The following DDB2 variants were observed in gnomAD, a reference collection of about 807,000 sequenced individuals.
DDB2 encodes the protein DNA damage-binding protein 2.
In DDB2, 27 loss-of-function variants were observed where a neutral mutation model predicts 50.5. That is an observed-to-expected ratio of 0.53 (90% CI 0.39 to 0.74). DDB2 has a LOEUF of 0.74. Among genes scored for constraint, DDB2 ranks in the 30% least tolerant of loss-of-function variants. The pLI is 0.00. For synonymous variants in DDB2, 176 were observed against 205.5 expected, an observed-to-expected ratio of 0.86 and a Z score of 1.23; for missense variants, 424 against 545.6, an observed-to-expected ratio of 0.78 and a Z score of 2.22.
chr11:47,225,376 AG>A (rs1259876856), intron 3 of DDB2, among the ~76,000 whole-genome samples: 1 of 151,902 alleles, frequency 6.6e-6, no homozygotes, highest in East Asian at 1.9e-4. Flanking sequence ...ACGGATCACA[AG>A]GTCAGGAGAT....
intron 1 of DDB2, 125 bp downstream of exon 1, chr11:47,215,388 G>T (rs1294697351): frequency 5.7e-6 from 8 of 1,412,020 alleles, no homozygotes; most frequent in Non-Finnish European, 7.9e-6. Context: ...CTCCGGCTGT[G>T]CATTCTACCT....
chr11:47,223,385 T>C (rs1345204758), intron 3 of DDB2, among the ~76,000 whole-genome samples: 2 of 152,128 alleles, frequency 1.3e-5, no homozygotes, highest in Non-Finnish European at 2.9e-5. Flanking sequence ...CCCGGGAGGC[T>C]GAGGCATGAG....
chr11:47,238,367 T>C (rs2135518199), intron 9 of DDB2, among the ~76,000 whole-genome samples, 184 bp downstream of exon 9: 1 of 151,834 alleles, frequency 6.6e-6, no homozygotes, highest in Non-Finnish European at 1.5e-5. Context: ...GTCTTGGTCA[T>C]GCAATGCCTG....
chr11:47,222,363 T>C (rs1953498457), intron 3 of DDB2, among the ~76,000 whole-genome samples: 3 of 152,196 alleles, frequency 2.0e-5, no homozygotes, highest in Admixed American at 2.0e-4. Context: ...AATGGTTCAT[T>C]GTTTTTTGTT....
At chr11:47,238,314 G>C (rs1953773769) in intron 9 of DDB2, 131 bp downstream of exon 9, 1 of 835,528 alleles carries the variant, frequency 1.2e-6, no homozygotes, top group African/African-American at 1.7e-5. Flanking sequence ...ATGGCTGGGA[G>C]ACAGTGGTCT....
intron 3 of DDB2, among the ~76,000 whole-genome samples, chr11:47,228,404 G>A (rs1953591196): frequency 6.6e-6 from 1 of 152,022 alleles, no homozygotes; most frequent in South Asian, 2.1e-4. Flanking sequence ...ACTTTGGGTG[G>A]CCAAGGTGGG....
rs79920947 is a variant in DDB2 at position 47,237,232 on chromosome 11, T to G, written c.1024-605T>G. On this transcript the variant is annotated intron_variant, in intron 7 of 9. Coordinates refer to ENST00000256996, the MANE Select transcript of DDB2 (RefSeq NM_000107.3). ...TCTTAGGTCAGTATCTGGGTCAGGC[T>G]GATGTTAAAACGTTTACCAGTTGGT... is the stretch of plus-strand genomic sequence containing the variant. Among the ~76,000 whole-genome samples the G allele has an allele frequency of 5.7e-3, 865 of 152,260 alleles. 3 individuals carry two copies. The highest frequency in any genetic ancestry group is 0.019 in the African/African-American group (797 of 41,556).
At chr11:47,225,434 C>T (rs7947269) in intron 3 of DDB2, among the ~76,000 whole-genome samples, 104,329 of 150,916 alleles carry the variant, frequency 0.69, 37,451 homozygotes, top group Middle Eastern at 0.83. Flanking sequence ...CTACTAAAAA[C>T]ACAAAAAATT....
chr11:47,215,041 T>G lies in DDB2; in HGVS notation c.-96T>G, dbSNP rs1590987250. 6.3e-7 allele frequency: 1 copy of G among 1,592,412 alleles called. No individual in the cohort carries two copies. Among genetic ancestry groups the G allele is most frequent in the Non-Finnish European group, 8.6e-7 (1 of 1,162,978 alleles). ...AGCTCGGCTACCTGTGGCCCCGCAGTTTTGTAGTCCCCGCCTTGTTTCTCC... is the reference window on the plus strand; with the variant it reads ...AGCTCGGCTACCTGTGGCCCCGCAGGTTTGTAGTCCCCGCCTTGTTTCTCC... On this transcript the variant is annotated 5_prime_UTR_variant, in exon 1 of 10. Transcript: ENST00000256996.
intron 3 of DDB2, among the ~76,000 whole-genome samples, chr11:47,219,856 C>G (rs997960498): frequency 1.3e-5 from 2 of 152,068 alleles, no homozygotes; most frequent in African/African-American, 4.8e-5. Flanking sequence ...GGCGCAATCT[C>G]GGCTCACTGC....
upstream of DDB2, chr11:47,214,909 C>T: frequency 1.6e-6 from 1 of 607,146 alleles, no homozygotes; most frequent in Non-Finnish European, 2.8e-6. Context: ...CCACCCCCTC[C>T]CCGCGCCCCC....
In DDB2 at chr11:47,238,249, C is replaced by T. The variant is rs1953771430; in HGVS notation, c.1234+66C>T. On this transcript the variant is annotated intron_variant, in intron 9 of 9. Transcript: ENST00000256996. The stretch of plus-strand genomic sequence containing the variant: ...CCTACTTCCCAAGGTTCAGTGCGGG[C>T]CAGCCTCAGCCCCGCCCTGCCACAT... The T allele has an allele frequency of 5.0e-6, 7 of 1,412,888 alleles. No homozygotes were observed. In the East Asian group the frequency reaches 7.4e-5, roughly 15 times the overall value. The allele number at this position is 1,412,888 out of a possible 1,614,324, so 87.5% of individuals were successfully genotyped here. A position where few individuals can be genotyped will look rare whatever the true frequency, so the allele number is the denominator to read the frequency against.
intron 3 of DDB2, chr11:47,229,661 G>A: frequency 3.5e-6 from 1 of 288,284 alleles, no homozygotes; most frequent in South Asian, 3.1e-5. Context: ...TCAACTCTGT[G>A]GTGTTGACTT....
chr11:47,218,372 G>GA (rs1006855595), intron 3 of DDB2, among the ~76,000 whole-genome samples: 4 of 152,218 alleles, frequency 2.6e-5, no homozygotes, highest in African/African-American at 4.8e-5. Context: ...GAGCAGATGG[G>GA]ATGTATACAT....
chr11:47,229,014 TA>T (rs1363424273), intron 3 of DDB2, among the ~76,000 whole-genome samples: 2 of 150,758 alleles, frequency 1.3e-5, no homozygotes, highest in Non-Finnish European at 1.5e-5. Context: ...TCTATCTATC[TA>T]TCTATCTTCC....
At chr11:47,215,707 C>T (rs540203075) in intron 1 of DDB2, 18 of 273,456 alleles carry the variant, frequency 6.6e-5, no homozygotes, top group Non-Finnish European at 1.3e-4. Flanking sequence ...TAAGGAGTTT[C>T]GAGACACTCA....
At chr11:47,218,835 G>A (rs1013935300) in intron 3 of DDB2, among the ~76,000 whole-genome samples, 1 of 151,852 alleles carries the variant, frequency 6.6e-6, no homozygotes, top group Admixed American at 6.6e-5. Context: ...TATCAGATGT[G>A]ATTTTTCTCA....
chr11:47,220,044 C>T (rs1953460665), intron 3 of DDB2, among the ~76,000 whole-genome samples: 1 of 152,150 alleles, frequency 6.6e-6, no homozygotes, highest in African/African-American at 2.4e-5. Flanking sequence ...CCGCCTCGAC[C>T]TCCCAAAGTG....
At chr11:47,215,660 A>G (rs1195214207) in intron 1 of DDB2, 2 of 328,082 alleles carry the variant, frequency 6.1e-6, no homozygotes, top group South Asian at 2.6e-5. Context: ...TAGAAAGCTC[A>G]TTCTCTGAGG....
Sources: gnomAD v4.1 joint callset for allele counts (sites outside exome capture counted in the v4.1 genomes callset) on GRCh38, gnomAD v4.1.1 for gene constraint, MANE v1.5 for transcripts, NCBI Gene and HGNC (gene_info 2026-07-23, HGNC 2026-07-21) for gene names.